Variants in TAOK1 observed in about 807,000 individuals in gnomAD.
TAOK1 encodes serine/threonine-protein kinase TAO1.
In TAOK1, 21 loss-of-function variants were observed where a neutral mutation model predicts 138.3. The ratio of observed to expected loss-of-function variants is 0.15; its 90% CI spans 0.11 to 0.22. The LOEUF (loss-of-function observed/expected upper bound fraction) is 0.22. Among genes scored for constraint, TAOK1 ranks in the 10% least tolerant of loss-of-function variants. The pLI, the probability that TAOK1 is intolerant of heterozygous loss-of-function variation, is 1.00. For missense variants in TAOK1, 651 were observed against 1,227.7 expected, an observed-to-expected ratio of 0.53 and a Z score of 7.02; for synonymous variants, 361 against 398.4, an observed-to-expected ratio of 0.91 and a Z score of 1.12.
rs77587933 is a variant in TAOK1, at chr17:29,463,712, T to C, written c.133-3433T>C. Among the ~76,000 whole-genome samples the C allele has an allele frequency of 2.2e-3, 341 of 152,300 alleles. 2 individuals are homozygous for C. The highest frequency in any genetic ancestry group is 8.1e-3 in the African/African-American group (335 of 41,568). On this transcript the variant is annotated intron_variant, in intron 2 of 19. Transcript: ENST00000261716. ...GCCTTCTTAGATGGGACATTAAAAG[T>C]GTGAACAACAACAACAGGATAAATT...
At chr17:29,520,790 C>G (rs755959910) in intron 16 of TAOK1, among the ~76,000 whole-genome samples, 4 of 151,378 alleles carry the variant, frequency 2.6e-5, no homozygotes, top group Non-Finnish European at 4.4e-5. Flanking sequence ...CTTTGGGAGG[C>G]TGAGGTGGGC....
In TAOK1 at chr17:29,390,510, C is replaced by T. The variant is rs1300675532; in HGVS notation, c.-609C>T. On this transcript the variant is annotated 5_prime_UTR_variant, in exon 1 of 20. Coordinates refer to ENST00000261716, the MANE Select transcript of TAOK1 (RefSeq NM_020791.4). Reference sequence around the variant, plus strand: ...TCGCGGGCCGAAAGCACTAGGCACTCGCGAACATCTGAGGCCTCCCGGCCC... The same window carrying T: ...TCGCGGGCCGAAAGCACTAGGCACTTGCGAACATCTGAGGCCTCCCGGCCC... 1 of 152,416 alleles carries T rather than the reference C, an allele frequency of 6.6e-6. No homozygotes were observed. Among genetic ancestry groups the T allele is most frequent in the African/African-American group, 2.4e-5 (1 of 41,436 alleles). 9.4% of individuals were successfully genotyped at this position (152,416 alleles called of 1,614,324 possible).
At chr17:29,542,120 G>A (rs947953143) in intron 19 of TAOK1, among the ~76,000 whole-genome samples, 3 of 152,000 alleles carry the variant, frequency 2.0e-5, no homozygotes, top group Non-Finnish European at 2.9e-5. Context: ...CTCATGATCC[G>A]CCCGCATCAG....
intron 1 of TAOK1, among the ~76,000 whole-genome samples, chr17:29,448,337 C>T (rs1243628924): frequency 6.6e-6 from 1 of 151,970 alleles, no homozygotes; most frequent in Non-Finnish European, 1.5e-5. Context: ...TTTGAGATGC[C>T]TTTTTTAGCC....
chr17:29,497,602 T>G (rs2031438281), intron 11 of TAOK1, among the ~76,000 whole-genome samples: 1 of 151,748 alleles, frequency 6.6e-6, no homozygotes, highest in Non-Finnish European at 1.5e-5. Flanking sequence ...GATTGTGATT[T>G]GAAACAATAT....
At chr17:29,497,807 A>G (rs1359945429) in intron 11 of TAOK1, among the ~76,000 whole-genome samples, 2 of 151,926 alleles carry the variant, frequency 1.3e-5, no homozygotes, top group African/African-American at 4.8e-5. Flanking sequence ...CTGATTTAAT[A>G]AAGAAGAATA....
intron 1 of TAOK1, among the ~76,000 whole-genome samples, chr17:29,412,844 C>T (rs192194722): frequency 3.9e-4 from 60 of 152,194 alleles, no homozygotes; most frequent in Middle Eastern, 3.4e-3. Context: ...TGTATTAGAC[C>T]GTAGTAGAAT....
chr17:29,453,223 G>A (rs998024535), intron 2 of TAOK1, among the ~76,000 whole-genome samples: 11 of 146,392 alleles, frequency 7.5e-5, no homozygotes, highest in African/African-American at 2.5e-4. Flanking sequence ...GCAATGGCAC[G>A]ATCTCGGCTC....
intron 14 of TAOK1, among the ~76,000 whole-genome samples, chr17:29,509,103 A>G (rs1422005523): frequency 6.6e-6 from 1 of 152,146 alleles, no homozygotes; most frequent in Non-Finnish European, 1.5e-5. Context: ...AAATAATTTG[A>G]TGAAACAATG....
chr17:29,491,903 A>G (rs1397590326), intron 10 of TAOK1, 38 bp downstream of exon 10: 1 of 1,490,124 alleles, frequency 6.7e-7, no homozygotes, highest in African/African-American at 1.4e-5. Context: ...ATTTTATTTT[A>G]AGACAAGGCC....
intron 1 of TAOK1, among the ~76,000 whole-genome samples, chr17:29,420,520 A>G (rs1041066036): frequency 1.3e-4 from 20 of 150,420 alleles, no homozygotes; most frequent in African/African-American, 4.9e-4. Context: ...GCTAGCTCCT[A>G]AAGTACAGTG....
chr17:29,531,989 T>C (rs1161603148), intron 18 of TAOK1, among the ~76,000 whole-genome samples: 1 of 151,338 alleles, frequency 6.6e-6, no homozygotes, highest in Non-Finnish European at 1.5e-5. Context: ...GCCTCCCGAA[T>C]AGCTGAGACT....
chr17:29,464,803 C>G (rs1358831301), intron 2 of TAOK1, among the ~76,000 whole-genome samples: 2 of 149,930 alleles, frequency 1.3e-5, no homozygotes, highest in Admixed American at 6.6e-5. Flanking sequence ...TGTAGCAGAA[C>G]ACAGATAATA....
chr17:29,476,955 C>T (rs2030958538), intron 4 of TAOK1, among the ~76,000 whole-genome samples: 1 of 152,058 alleles, frequency 6.6e-6, no homozygotes, highest in African/African-American at 2.4e-5. Context: ...ATGCCATTCT[C>T]CTGCCTAAGC....
In TAOK1 at chr17:29,448,809, AGATGGT is replaced by A. The variant is rs200679424; in HGVS notation, c.-94-2645_-94-2640del. ...TCAGCAATATTTATATAATAACTGT[AGATGGT>A]AAGGGGTAGAAGCTGGAGAGATGAT... is the stretch of plus-strand genomic sequence containing the variant. On this transcript the variant is annotated intron_variant, in intron 1 of 19. Coordinates refer to ENST00000261716, the MANE Select transcript of TAOK1 (RefSeq NM_020791.4). 9.8e-3 allele frequency among the ~76,000 whole-genome samples: 1,491 copies of A among 152,348 alleles called. 13 individuals carry two copies. The highest frequency in any genetic ancestry group is 0.014 in the Non-Finnish European group (984 of 68,028).
intron 1 of TAOK1, among the ~76,000 whole-genome samples, chr17:29,395,807 G>C (rs1484363788): frequency 6.9e-6 from 1 of 145,836 alleles, no homozygotes; most frequent in African/African-American, 2.6e-5. Context: ...ACAGGTACAT[G>C]CCACCACGTC....
At chr17:29,531,274 T>TTTTA (rs1200812717) in intron 18 of TAOK1, among the ~76,000 whole-genome samples, 52 of 151,180 alleles carry the variant, frequency 3.4e-4, no homozygotes, top group African/African-American at 1.1e-3. Flanking sequence ...GCTACAAATT[T>TTTTA]TTTATTTATT....
At chr17:29,444,426 G>A (rs947722731) in intron 1 of TAOK1, among the ~76,000 whole-genome samples, 6 of 152,336 alleles carry the variant, frequency 3.9e-5, no homozygotes, top group Admixed American at 1.3e-4. Context: ...AGAAAAAGAA[G>A]CAGTTATGCA....
chr17:29,474,870 C>T (rs1171730038), intron 3 of TAOK1, among the ~76,000 whole-genome samples: 1 of 149,810 alleles, frequency 6.7e-6, no homozygotes, highest in African/African-American at 2.5e-5. Context: ...AAAAAAGTAA[C>T]ATCTGTGAAG....
Sources: allele counts gnomAD v4.1 joint callset (sites outside exome capture counted in the v4.1 genomes callset), GRCh38; gene constraint gnomAD v4.1.1; transcripts MANE v1.5; gene names NCBI Gene and HGNC (gene_info 2026-07-23, HGNC 2026-07-21).